SPMIP7: variants seen among roughly 807,000 people sequenced by gnomAD.
SPMIP7 encodes the protein protein SPMIP7.
chr7:50,154,820 A>G, the SPMIP7 span, among the ~76,000 whole-genome samples: 1 of 152,310 alleles, frequency 6.6e-6, no homozygotes, highest in Admixed American at 6.5e-5. Flanking sequence ...CTACATTCCC[A>G]TCAACAGTCT....
At chr7:50,157,413 T>A in the SPMIP7 span, among the ~76,000 whole-genome samples, 1 of 152,168 alleles carries the variant, frequency 6.6e-6, no homozygotes, top group Non-Finnish European at 1.5e-5. Flanking sequence ...CTAGCTCCCA[T>A]TTCCACCGCA....
At chr7:50,151,886 G>A in the SPMIP7 span, among the ~76,000 whole-genome samples, 1 of 152,142 alleles carries the variant, frequency 6.6e-6, no homozygotes, top group African/African-American at 2.4e-5. Flanking sequence ...TTACTTCTTA[G>A]ACTCACAGCT....
the SPMIP7 span, among the ~76,000 whole-genome samples, chr7:50,155,337 A>T: frequency 1.3e-5 from 2 of 152,340 alleles, no homozygotes; most frequent in South Asian, 4.1e-4. Context: ...ACATTTAGAC[A>T]AGTAATATAT....
the SPMIP7 span, chr7:50,104,294 C>T: frequency 1.5e-5 from 20 of 1,359,036 alleles, no homozygotes; most frequent in South Asian, 2.9e-5. Flanking sequence ...AAATCCCATT[C>T]GCTTTTTTTG....
the SPMIP7 span, chr7:50,117,380 C>T: frequency 1.1e-5 from 4 of 373,990 alleles, no homozygotes; most frequent in Admixed American, 6.2e-5. Flanking sequence ...TTCATCTGAG[C>T]CGCTTTTAAG....
At chr7:50,141,302 T>C in the SPMIP7 span, 2 of 1,551,612 alleles carry the variant, frequency 1.3e-6, no homozygotes, top group South Asian at 1.2e-5. Flanking sequence ...AGTCTACAAA[T>C]GCTGATGATG....
the SPMIP7 span, chr7:50,096,364 A>C: frequency 1.3e-6 from 2 of 1,551,988 alleles, no homozygotes; most frequent in African/African-American, 1.4e-5. Flanking sequence ...CACATTATCC[A>C]TTATTTCCAC....
At chr7:50,113,133 C>T in the SPMIP7 span, among the ~76,000 whole-genome samples, 1 of 151,990 alleles carries the variant, frequency 6.6e-6, no homozygotes, top group East Asian at 1.9e-4. Flanking sequence ...TGTAGTCAGG[C>T]TTAACTAGTC....
the SPMIP7 span, among the ~76,000 whole-genome samples, chr7:50,110,442 A>G: frequency 6.8e-6 from 1 of 146,972 alleles, no homozygotes; most frequent in Non-Finnish European, 1.5e-5. Context: ...TATATAGTTT[A>G]TATATTATAT....
At chr7:50,134,265 A>G in the SPMIP7 span, 1 of 1,512,796 alleles carries the variant, frequency 6.6e-7, no homozygotes, top group Non-Finnish European at 8.8e-7. Flanking sequence ...ACTTCTCTGA[A>G]CAATAATGTA....
At chr7:50,152,265 T>G in the SPMIP7 span, among the ~76,000 whole-genome samples, 1 of 152,156 alleles carries the variant, frequency 6.6e-6, no homozygotes, top group African/African-American at 2.4e-5. Context: ...GAGAATCACT[T>G]GAACCTGGGA....
At chr7:50,101,146 C>CTA in the SPMIP7 span, among the ~76,000 whole-genome samples, 3 of 152,192 alleles carry the variant, frequency 2.0e-5, no homozygotes, top group Non-Finnish European at 4.4e-5. Flanking sequence ...TGTTTACTTC[C>CTA]CATGTTGACA....
chr7:50,133,967 G>T, the SPMIP7 span: 1 of 635,218 alleles, frequency 1.6e-6, no homozygotes, highest in Non-Finnish European at 2.6e-6. Flanking sequence ...TCCAGGGGAG[G>T]TGATTATATA....
At chr7:50,108,034 T>C in the SPMIP7 span, among the ~76,000 whole-genome samples, 1 of 152,212 alleles carries the variant, frequency 6.6e-6, no homozygotes, top group South Asian at 2.1e-4. Flanking sequence ...TTCTGGAAAT[T>C]GAGGCATTTA....
the SPMIP7 span, chr7:50,134,322 A>AG: frequency 4.6e-6 from 6 of 1,302,032 alleles, no homozygotes; most frequent in Non-Finnish European, 6.1e-6. Context: ...AGTCAAAATA[A>AG]TACTTATTTT....
chr7:50,096,312 C>T, the SPMIP7 span: 2 of 1,552,012 alleles, frequency 1.3e-6, no homozygotes, highest in Non-Finnish European at 1.7e-6. Context: ...TCAGTTTTGC[C>T]AGACTATCAT....
At chr7:50,109,191 C>T in the SPMIP7 span, among the ~76,000 whole-genome samples, 1 of 152,050 alleles carries the variant, frequency 6.6e-6, no homozygotes, top group Non-Finnish European at 1.5e-5. Flanking sequence ...ACCATTTTCA[C>T]TGGAATTTAC....
At chr7:50,117,597 GT>G in the SPMIP7 span, among the ~76,000 whole-genome samples, 1 of 152,200 alleles carries the variant, frequency 6.6e-6, no homozygotes, top group African/African-American at 2.4e-5. Flanking sequence ...TGTGAGTGTA[GT>G]GTTAGAAATA....
At chr7:50,104,903 T>G in the SPMIP7 span, among the ~76,000 whole-genome samples, 1 of 152,230 alleles carries the variant, frequency 6.6e-6, no homozygotes, top group Non-Finnish European at 1.5e-5. Flanking sequence ...CCTGAGAGCA[T>G]TCCCACAATA....
Sources: allele counts gnomAD v4.1 joint callset (sites outside exome capture counted in the v4.1 genomes callset), GRCh38; gene constraint gnomAD v4.1.1; transcripts MANE v1.5; gene names NCBI Gene and HGNC (gene_info 2026-07-23, HGNC 2026-07-21).